The following RBFOX1 variants were observed in gnomAD, a reference collection of about 807,000 sequenced individuals.
The protein encoded by RBFOX1 is RNA binding fox-1 homolog 1, also known as RNA binding protein fox-1 homolog 1.
A neutral mutation model predicts 57.7 loss-of-function variants in RBFOX1; 8 were observed. That is an observed-to-expected ratio of 0.14 (90% CI 0.08 to 0.25). The LOEUF is 0.25. Ranked by LOEUF, RBFOX1 falls within the 10% of genes least tolerant of loss-of-function variation. The pLI, the probability that RBFOX1 is intolerant of heterozygous loss-of-function variation, is 1.00. For missense variants in RBFOX1, 611 were observed against 548.5 expected (o/e 1.11, Z -1.14); for synonymous variants, 326 against 222.4 (o/e 1.47, Z -4.15).
intron 4 of RBFOX1, among the ~76,000 whole-genome samples, chr16:5,987,254 AG>A (rs1379897441): frequency 1.3e-5 from 2 of 152,056 alleles, no homozygotes; most frequent in African/African-American, 4.8e-5. Flanking sequence ...GAGTTTTGAA[AG>A]TTATTTTTAT....
At position 6,388,541 on chromosome 16, in the gene RBFOX1, G is replaced by GAT. The variant is rs201856176; in HGVS notation, c.-64+71498_-64+71499dup. On this transcript the variant is annotated intron_variant, in intron 2 of 15. Coordinates refer to ENST00000550418, the MANE Select transcript of RBFOX1 (RefSeq NM_018723.4). ...TAAAAATTGTGTATATTTGTCGTGT[G>GAT]ATATATATATATATAATGGAATACT... 1.2e-3 allele frequency among the ~76,000 whole-genome samples: 178 copies of GAT among 150,176 alleles called. 3 individuals are homozygous for GAT. In the South Asian group the frequency reaches 0.015, roughly 13 times the overall value.
chr16:7,442,674 A>C (rs1462215573), intron 4 of RBFOX1, among the ~76,000 whole-genome samples: 1 of 152,088 alleles, frequency 6.6e-6, no homozygotes, highest in Non-Finnish European at 1.5e-5. Flanking sequence ...AGCAGTAGAG[A>C]GTGCAAAGTT....
At chr16:6,294,385 T>C (rs1327033287) in intron 1 of RBFOX1, among the ~76,000 whole-genome samples, 1 of 152,222 alleles carries the variant, frequency 6.6e-6, no homozygotes, top group East Asian at 1.9e-4. Context: ...TTAATGTTGA[T>C]TGTTAAGCCC....
At chr16:6,645,634 CAAAG>C (rs902420881) in intron 2 of RBFOX1, among the ~76,000 whole-genome samples, 2 of 152,230 alleles carry the variant, frequency 1.3e-5, no homozygotes, top group Non-Finnish European at 2.9e-5. Flanking sequence ...TCTAAAATCT[CAAAG>C]AACCTAGAGG....
intron 4 of RBFOX1, among the ~76,000 whole-genome samples, chr16:7,130,436 T>C (rs1485877233): frequency 2.0e-5 from 3 of 152,196 alleles, no homozygotes; most frequent in African/African-American, 4.8e-5. Context: ...CTTAACACTT[T>C]TGTGAACCAC....
intron 1 of RBFOX1, among the ~76,000 whole-genome samples, chr16:5,309,666 T>G (rs1378431637): frequency 6.6e-6 from 1 of 152,186 alleles, no homozygotes; most frequent in East Asian, 1.9e-4. Context: ...CCCCTCCCAC[T>G]CTCTCACCCT....
At chr16:6,756,967 C>G (rs1290654061) in intron 3 of RBFOX1, among the ~76,000 whole-genome samples, 1 of 143,140 alleles carries the variant, frequency 7.0e-6, no homozygotes, top group Admixed American at 7.5e-5. Context: ...AAGGGCGAAA[C>G]TCCATCTCAA....
At chr16:6,577,997 G>A (rs896537626) in intron 2 of RBFOX1, among the ~76,000 whole-genome samples, 2 of 152,204 alleles carry the variant, frequency 1.3e-5, no homozygotes, top group African/African-American at 4.8e-5. Context: ...GTTTTGTGAT[G>A]AAGGGTGTCA....
intron 3 of RBFOX1, among the ~76,000 whole-genome samples, chr16:5,702,554 T>A (rs1039777583): frequency 1.3e-5 from 2 of 152,246 alleles, no homozygotes; most frequent in South Asian, 2.1e-4. Context: ...TTTCCCCTAA[T>A]AGCCCTGGAG....
intron 4 of RBFOX1, among the ~76,000 whole-genome samples, chr16:5,973,820 T>A (rs1214760862): frequency 2.0e-5 from 3 of 152,238 alleles, no homozygotes. Context: ...CTGCTAAAAT[T>A]ATGTTCCACA....
At chr16:5,501,081 C>T (rs562287499) in intron 2 of RBFOX1, among the ~76,000 whole-genome samples, 8 of 152,118 alleles carry the variant, frequency 5.3e-5, no homozygotes, top group South Asian at 4.2e-4. Context: ...TTTGGGAGGC[C>T]GAGGTGGGCG....
At chr16:7,281,694 C>T (rs1261475190) in intron 4 of RBFOX1, among the ~76,000 whole-genome samples, 5 of 152,064 alleles carry the variant, frequency 3.3e-5, no homozygotes, top group Non-Finnish European at 5.9e-5. Flanking sequence ...AATCAGTCAT[C>T]ATAAACTGAG....
At chr16:6,705,200 C>G (rs1351258354) in intron 3 of RBFOX1, 2 of 152,098 alleles carry the variant, frequency 1.3e-5, no homozygotes, top group African/African-American at 2.4e-5. Flanking sequence ...TTCCAAAGTC[C>G]TTTTAAATGA....
At chr16:7,307,721 C>G (rs2096223642) in intron 4 of RBFOX1, among the ~76,000 whole-genome samples, 1 of 152,162 alleles carries the variant, frequency 6.6e-6, no homozygotes, top group Non-Finnish European at 1.5e-5. Context: ...CATAGGAACA[C>G]ACAAATTTGT....
chr16:6,231,912 A>G (rs565948116), intron 1 of RBFOX1, among the ~76,000 whole-genome samples: 4 of 151,574 alleles, frequency 2.6e-5, no homozygotes, highest in South Asian at 4.2e-4. Flanking sequence ...AAATAAATAC[A>G]TCAAAACAAT....
At chr16:7,392,664 G>C (rs557903398) in intron 4 of RBFOX1, among the ~76,000 whole-genome samples, 1 of 152,268 alleles carries the variant, frequency 6.6e-6, no homozygotes, top group African/African-American at 2.4e-5. Context: ...AGGTGATAAA[G>C]CCCAAGTCAT....
At chr16:7,235,853 A>G (rs192668068) in intron 4 of RBFOX1, among the ~76,000 whole-genome samples, 16 of 152,336 alleles carry the variant, frequency 1.1e-4, no homozygotes, top group Admixed American at 5.2e-4. Context: ...GTTGAAGGCT[A>G]TTAATCAATG....
chr16:6,958,952 G>A (rs2082393509), intron 3 of RBFOX1, among the ~76,000 whole-genome samples: 1 of 152,048 alleles, frequency 6.6e-6, no homozygotes, highest in African/African-American at 2.4e-5. Flanking sequence ...ATGGTTCTAT[G>A]TAAAGTTATA....
upstream of RBFOX1, among the ~76,000 whole-genome samples, chr16:6,017,782 A>G (rs530357689): frequency 6.6e-6 from 1 of 152,218 alleles, no homozygotes; most frequent in East Asian, 1.9e-4. Flanking sequence ...ACCCTTAAGG[A>G]ATCTGCTCCT....
Sources: gnomAD v4.1 joint callset for allele counts (sites outside exome capture counted in the v4.1 genomes callset) on GRCh38, gnomAD v4.1.1 for gene constraint, MANE v1.5 for transcripts, NCBI Gene and HGNC (gene_info 2026-07-23, HGNC 2026-07-21) for gene names.